Variants in PCSK5 observed in about 807,000 individuals in gnomAD.
The protein encoded by PCSK5 is prohormone convertase 5.
In PCSK5, 129 loss-of-function variants were observed where a neutral mutation model predicts 233.2. That is an observed-to-expected ratio of 0.55 (90% CI 0.48 to 0.64). PCSK5 has a LOEUF of 0.64. Ranked by LOEUF, PCSK5 falls within the 30% of genes least tolerant of loss-of-function variation. The pLI is 0.00. For missense variants in PCSK5, 2,076 were observed against 2,430.1 expected (o/e 0.85, Z 3.06); for synonymous variants, 825 against 879.2 (o/e 0.94, Z 1.09).
chr9:76,186,128 ATCATT>A (rs896412431), intron 17 of PCSK5, among the ~76,000 whole-genome samples: 5 of 152,170 alleles, frequency 3.3e-5, no homozygotes, highest in Non-Finnish European at 7.4e-5. Flanking sequence ...CTAAAATATT[ATCATT>A]TCAACAATAT....
At chr9:76,092,194 A>G (rs1831319989) in intron 7 of PCSK5, among the ~76,000 whole-genome samples, 1 of 152,140 alleles carries the variant, frequency 6.6e-6, no homozygotes, top group Admixed American at 6.5e-5. Context: ...TTCTAATTCT[A>G]CTGCCAAGTC....
chr9:75,998,600 C>T (rs112400114), intron 3 of PCSK5, among the ~76,000 whole-genome samples: 20 of 152,294 alleles, frequency 1.3e-4, no homozygotes, highest in African/African-American at 4.6e-4. Context: ...TTATCAGAAA[C>T]GTAACGTCAC....
chr9:76,117,397 G>C (rs894407465), intron 9 of PCSK5, among the ~76,000 whole-genome samples: 2 of 152,120 alleles, frequency 1.3e-5, no homozygotes, highest in Admixed American at 6.6e-5. Flanking sequence ...GGTAGGGTAA[G>C]AGTAGGAAAG....
chr9:75,967,306 C>T (rs780223898), intron 2 of PCSK5, among the ~76,000 whole-genome samples: 13 of 152,092 alleles, frequency 8.5e-5, no homozygotes, highest in Non-Finnish European at 1.8e-4. Flanking sequence ...TCCATGAGTA[C>T]CCAATGTTTA....
intron 9 of PCSK5, among the ~76,000 whole-genome samples, chr9:76,116,850 G>A (rs554139899): frequency 3.9e-5 from 6 of 152,154 alleles, no homozygotes; most frequent in African/African-American, 1.2e-4. Context: ...GTACTGTAAC[G>A]GGACATGGTT....
rs145426696 is a variant in PCSK5 at position 76,236,997 on chromosome 9, G to T, written c.2867-1962G>T. ...GGATCCTGAGTTGATGTCTTGTGAA[G>T]GTGCAGGGGATGGAGAAGAGGTAGA... On this transcript the variant is annotated intron_variant, in intron 22 of 37. Coordinates refer to ENST00000674117, the MANE Select transcript of PCSK5 (RefSeq NM_001372043.1). Among the ~76,000 whole-genome samples the T allele has an allele frequency of 2.7e-4, 41 of 152,264 alleles. 2 individuals carry two copies. In the South Asian group the frequency reaches 7.9e-3, roughly 29 times the overall value.
At chr9:75,926,086 C>T (rs1823475276) in intron 1 of PCSK5, among the ~76,000 whole-genome samples, 1 of 152,162 alleles carries the variant, frequency 6.6e-6, no homozygotes, top group South Asian at 2.1e-4. Context: ...CACATTCCAG[C>T]TCCACATCAT....
chr9:76,178,073 C>T (rs1169819880), intron 14 of PCSK5, among the ~76,000 whole-genome samples: 2 of 151,994 alleles, frequency 1.3e-5, no homozygotes, highest in Admixed American at 6.6e-5. Context: ...ACACAGATGG[C>T]GTTATCATAA....
At chr9:75,980,760 T>TTC (rs34831350) in intron 2 of PCSK5, among the ~76,000 whole-genome samples, 8,668 of 150,332 alleles carry the variant, frequency 0.058, 549 homozygotes, top group African/African-American at 0.15. Flanking sequence ...TTTTTTTTTT[T>TTC]CTCACCAGTT....
intron 20 of PCSK5, among the ~76,000 whole-genome samples, chr9:76,218,835 C>T (rs192854446): frequency 1.3e-5 from 2 of 151,666 alleles, no homozygotes; most frequent in East Asian, 1.9e-4. Context: ...GATGCTGACC[C>T]GCAGTAGGCA....
At chr9:76,040,385 GTCTCTCTCTCTCTCTC>G (rs5898445) in intron 5 of PCSK5, among the ~76,000 whole-genome samples, 1 of 80,622 alleles carries the variant, frequency 1.2e-5, no homozygotes, top group Non-Finnish European at 2.6e-5. Flanking sequence ...CTCTCTCTCT[GTCTCTCTCTCTCTCTC>G]TCTCTCTCTC....
Position 76,189,074 on chromosome 9 carries a change from G to GTGTT in PCSK5, c.2381-16_2381-13dup, listed in dbSNP as rs767729605. On this transcript the variant is annotated intron_variant, in intron 18 of 37. Coordinates refer to ENST00000674117, the MANE Select transcript of PCSK5 (RefSeq NM_001372043.1). ...TCTGAGGTTTTATTTCTCGTTTCCTGTGTTTGTCTTGCTTTTAAGGGGCAG... is the reference window on the plus strand; with the variant it reads ...TCTGAGGTTTTATTTCTCGTTTCCTGTGTTTGTTTGTCTTGCTTTTAAGGGGCAG... The GTGTT allele has an allele frequency of 2.3e-5, 37 of 1,610,462 alleles. No homozygotes were observed. The highest frequency in any genetic ancestry group is 2.8e-5 in the Non-Finnish European group (33 of 1,178,930).
chr9:76,215,202 T>C (rs1434710304), intron 20 of PCSK5, among the ~76,000 whole-genome samples: 1 of 152,154 alleles, frequency 6.6e-6, no homozygotes, highest in South Asian at 2.1e-4. Context: ...CCAGGAAAAT[T>C]TGGGGCCCCA....
intron 26 of PCSK5, 119 bp downstream of exon 26, chr9:76,295,530 C>A (rs1828412884): frequency 1.2e-6 from 1 of 806,742 alleles, no homozygotes; most frequent in South Asian, 1.9e-5. Context: ...GCACCTCTGG[C>A]CCAAGGAGAA....
At chr9:76,280,069 A>T (rs944369609) in intron 24 of PCSK5, among the ~76,000 whole-genome samples, 1 of 152,092 alleles carries the variant, frequency 6.6e-6, no homozygotes, top group African/African-American at 2.4e-5. Context: ...CACTCCTCCA[A>T]TAGCACATCC....
chr9:76,027,094 C>T, intron 5 of PCSK5, 57 bp downstream of exon 5: 1 of 1,087,568 alleles, frequency 9.2e-7, no homozygotes, highest in African/African-American at 1.6e-5. Context: ...TTGTTTTCTG[C>T]TCATACTGAG....
chr9:76,027,171 C>G, intron 5 of PCSK5, 134 bp downstream of exon 5: 1 of 583,480 alleles, frequency 1.7e-6, no homozygotes, highest in Non-Finnish European at 3.1e-6. Flanking sequence ...TAACAAGTGT[C>G]TTTCCACTGA....
At chr9:76,064,962 C>T (rs1830229274) in intron 5 of PCSK5, among the ~76,000 whole-genome samples, 1 of 152,262 alleles carries the variant, frequency 6.6e-6, no homozygotes, top group Non-Finnish European at 1.5e-5. Flanking sequence ...GTTGGGATTA[C>T]AGGCATGGGC....
intron 5 of PCSK5, among the ~76,000 whole-genome samples, chr9:76,043,660 G>A (rs1012828695): frequency 3.5e-4 from 53 of 152,112 alleles, no homozygotes; most frequent in Non-Finnish European, 1.3e-4. Context: ...AATGGGCCAT[G>A]CACATATAAT....
Sources: allele counts gnomAD v4.1 joint callset (sites outside exome capture counted in the v4.1 genomes callset), GRCh38; gene constraint gnomAD v4.1.1; transcripts MANE v1.5; gene names NCBI Gene and HGNC (gene_info 2026-07-23, HGNC 2026-07-21).